ROBO2: variants seen among roughly 807,000 people sequenced by gnomAD.
The protein encoded by ROBO2 is roundabout homolog 2.
ROBO2 carries 53 observed loss-of-function variants against 160.8 expected under a neutral mutation model. The ratio of observed to expected loss-of-function variants is 0.33; its 90% CI spans 0.26 to 0.41. The LOEUF is 0.41. ROBO2 is among the 10% of genes least tolerant of loss of function. The pLI, the probability that ROBO2 is intolerant of heterozygous loss-of-function variation, is 1.00. For missense variants in ROBO2, 1,577 were observed against 1,722.4 expected (o/e 0.92, Z 1.49); for synonymous variants, 664 against 611.7 (o/e 1.09, Z -1.26).
At chr3:76,160,391 C>T (rs1240364271) in intron 2 of ROBO2, among the ~76,000 whole-genome samples, 2 of 152,190 alleles carry the variant, frequency 1.3e-5, no homozygotes, top group Non-Finnish European at 2.9e-5. Context: ...TAATTTCAGT[C>T]GGAATTGTGT....
chr3:75,976,217 A>C (rs565790225), intron 2 of ROBO2, among the ~76,000 whole-genome samples: 27 of 151,768 alleles, frequency 1.8e-4, no homozygotes, highest in Admixed American at 6.6e-4. Context: ...AAACTCAATA[A>C]AAATGTGTAC....
intron 2 of ROBO2, among the ~76,000 whole-genome samples, chr3:76,432,538 T>C (rs930503513): frequency 2.0e-5 from 3 of 152,244 alleles, no homozygotes; most frequent in East Asian, 3.9e-4. Flanking sequence ...CTTATTCATA[T>C]GGCTATGAGT....
intron 2 of ROBO2, among the ~76,000 whole-genome samples, chr3:77,468,334 C>A (rs1001622187): frequency 1.6e-4 from 24 of 152,140 alleles, no homozygotes; most frequent in Admixed American, 1.5e-3. Context: ...CTAGAGTCTG[C>A]CGTGGTCAGA....
At chr3:77,099,351 C>T (rs964248425) in intron 2 of ROBO2, among the ~76,000 whole-genome samples, 2 of 152,074 alleles carry the variant, frequency 1.3e-5, no homozygotes, top group African/African-American at 2.4e-5. Context: ...TGAAGTTTTT[C>T]GTTCTCAGGC....
intron 2 of ROBO2, among the ~76,000 whole-genome samples, chr3:76,709,791 AAAAAT>A (rs2093251388): frequency 6.6e-6 from 1 of 152,222 alleles, no homozygotes; most frequent in African/African-American, 2.4e-5. Context: ...GTATATTTGC[AAAAAT>A]AAAATCATTA....
chr3:77,419,142 C>T (rs2077498847), intron 2 of ROBO2, among the ~76,000 whole-genome samples: 1 of 152,042 alleles, frequency 6.6e-6, no homozygotes, highest in South Asian at 2.1e-4. Context: ...GAGACAGATT[C>T]TATAAAGGCC....
chr3:75,997,496 A>ATTTTTTTTTTTTT (rs1414362363), intron 2 of ROBO2, among the ~76,000 whole-genome samples: 1 of 46,564 alleles, frequency 2.1e-5, no homozygotes. Context: ...TTGTTCATCC[A>ATTTTTTTTTTTTT]TTCTTTTTTT....
At chr3:77,310,805 A>G (rs1407688089) in intron 2 of ROBO2, among the ~76,000 whole-genome samples, 2 of 151,942 alleles carry the variant, frequency 1.3e-5, no homozygotes, top group Non-Finnish European at 2.9e-5. Flanking sequence ...ATATAGAATT[A>G]CTATTTAATA....
At chr3:76,154,651 C>G (rs879673685) in intron 2 of ROBO2, among the ~76,000 whole-genome samples, 2 of 152,070 alleles carry the variant, frequency 1.3e-5, no homozygotes, top group Non-Finnish European at 2.9e-5. Context: ...TCAATGTACT[C>G]TGCTTTCTAT....
Position 77,449,120 on chromosome 3 carries a change from A to G in ROBO2, c.389-28294A>G, listed in dbSNP as rs184982130. Reference sequence around the variant, plus strand: ...GCTTACATGAAAAGGTGTAAAAATCATAAAACATGGAATTAGTTTGTTCTT... The same window carrying G: ...GCTTACATGAAAAGGTGTAAAAATCGTAAAACATGGAATTAGTTTGTTCTT... On this transcript the variant is annotated intron_variant, in intron 2 of 25. Coordinates refer to ENST00000461745, the Ensembl canonical transcript of ROBO2. 5.7e-3 allele frequency among the ~76,000 whole-genome samples: 875 copies of G among 152,254 alleles called. 5 individuals carry two copies. Among genetic ancestry groups the G allele is most frequent in the Non-Finnish European group, 0.011 (721 of 67,988 alleles).
intron 2 of ROBO2, among the ~76,000 whole-genome samples, chr3:77,126,991 A>G (rs923470845): frequency 1.2e-4 from 18 of 151,500 alleles, no homozygotes; most frequent in East Asian, 9.8e-4. Flanking sequence ...GGGTTTCACC[A>G]TGTTAGCCAG....
At chr3:77,547,567 A>G (rs968732258) in intron 7 of ROBO2, among the ~76,000 whole-genome samples, 1 of 152,100 alleles carries the variant, frequency 6.6e-6, no homozygotes, top group Non-Finnish European at 1.5e-5. Flanking sequence ...AGCCTGTAGA[A>G]GTTCTGTGCA....
At chr3:76,064,428 A>G (rs73842947) in intron 2 of ROBO2, among the ~76,000 whole-genome samples, 3,121 of 152,166 alleles carry the variant, frequency 0.021, 44 homozygotes, top group East Asian at 0.08. Flanking sequence ...AGTCCAGGGA[A>G]CTAGCATAAC....
intron 2 of ROBO2, among the ~76,000 whole-genome samples, chr3:76,958,979 C>A (rs2079468869): frequency 6.6e-6 from 1 of 152,116 alleles, no homozygotes. Context: ...ATCTCCATAA[C>A]AACATTCACA....
intron 2 of ROBO2, among the ~76,000 whole-genome samples, chr3:76,127,418 G>A (rs889504879): frequency 6.6e-6 from 1 of 151,840 alleles, no homozygotes; most frequent in Admixed American, 6.6e-5. Context: ...ATCACTGAAA[G>A]CAAATAGACT....
intron 2 of ROBO2, among the ~76,000 whole-genome samples, chr3:77,437,625 T>C (rs1468209624): frequency 6.6e-6 from 1 of 151,988 alleles, no homozygotes; most frequent in African/African-American, 2.4e-5. Context: ...CTAAGTAAAA[T>C]GGGACTAGAA....
chr3:76,969,590 C>T (rs2059471873), intron 2 of ROBO2, among the ~76,000 whole-genome samples: 1 of 152,112 alleles, frequency 6.6e-6, no homozygotes. Context: ...CATTCAGCCT[C>T]AATTGTATAT....
intron 2 of ROBO2, among the ~76,000 whole-genome samples, chr3:76,526,419 A>G (rs139865570): frequency 0.02 from 2,985 of 152,102 alleles, 29 homozygotes; most frequent in South Asian, 0.046. Flanking sequence ...AGGGTCAACA[A>G]TGTCATATAG....
At chr3:75,932,731 G>A (rs1247461973) in intron 1 of ROBO2, among the ~76,000 whole-genome samples, 1 of 152,094 alleles carries the variant, frequency 6.6e-6, no homozygotes, top group African/African-American at 2.4e-5. Context: ...GAATCTTAGA[G>A]CTGTTTTCAT....
Sources: gnomAD v4.1 joint callset for allele counts (sites outside exome capture counted in the v4.1 genomes callset) on GRCh38, gnomAD v4.1.1 for gene constraint, MANE v1.5 for transcripts, NCBI Gene and HGNC (gene_info 2026-07-23, HGNC 2026-07-21) for gene names.